BICC1: variants seen among roughly 807,000 people sequenced by gnomAD.
BICC1 encodes the protein protein bicaudal C homolog 1.
Under a neutral mutation model 111.0 loss-of-function variants are expected in BICC1, and 43 were observed. The observed-to-expected ratio is 0.39, with a 90% CI of 0.30 to 0.50. The LOEUF (loss-of-function observed/expected upper bound fraction) is 0.50. BICC1 is among the 20% of genes least tolerant of loss of function. The probability of loss-of-function intolerance (pLI) is 0.88; values close to 1 mark genes in which losing one functional copy is unlikely to be tolerated. For missense variants in BICC1, 1,091 were observed against 1,203.2 expected (o/e 0.91, Z 1.38); for synonymous variants, 467 against 434.4 (o/e 1.07, Z -0.93).
At chr10:58,706,152 G>C (rs1468341494) in intron 3 of BICC1, among the ~76,000 whole-genome samples, 1 of 151,988 alleles carries the variant, frequency 6.6e-6, no homozygotes, top group Non-Finnish European at 1.5e-5. Context: ...CAGTATTTAG[G>C]GATTAAGGTG....
chr10:58,691,225 A>G (rs1839898964), intron 2 of BICC1, among the ~76,000 whole-genome samples: 1 of 152,160 alleles, frequency 6.6e-6, no homozygotes, highest in African/African-American at 2.4e-5. Context: ...AGTGTGCTTT[A>G]CAGTAGATCT....
chr10:58,646,500 C>T (rs992074040), intron 2 of BICC1, among the ~76,000 whole-genome samples: 2 of 152,150 alleles, frequency 1.3e-5, no homozygotes, highest in Admixed American at 1.3e-4. Flanking sequence ...AGGCTGTCTG[C>T]ATTGTATTTG....
intron 1 of BICC1, among the ~76,000 whole-genome samples, chr10:58,596,040 C>T (rs1014367975): frequency 6.6e-6 from 1 of 152,124 alleles, no homozygotes; most frequent in Non-Finnish European, 1.5e-5. Context: ...CACCCCTGAT[C>T]CCACAGAAAT....
Position 58,636,192 on chromosome 10 carries a change from A to G in BICC1, c.237+15291A>G, listed in dbSNP as rs574835794. On this transcript the variant is annotated intron_variant, in intron 2 of 20. Coordinates refer to ENST00000373886, the MANE Select transcript of BICC1 (RefSeq NM_001080512.3). ...AGATTTCCTAGTTTAGCAAGTGTAC[A>G]AAGGAGGATAAGACCTAGCATTTTT... is the stretch of plus-strand genomic sequence containing the variant. 2.6e-5 allele frequency among the ~76,000 whole-genome samples: 4 copies of G among 152,326 alleles called. No individual in the cohort carries two copies. In the East Asian group the frequency reaches 7.7e-4, roughly 29 times the overall value.
intron 2 of BICC1, chr10:58,648,584 C>G: frequency 1.0e-6 from 1 of 973,908 alleles, no homozygotes; most frequent in Non-Finnish European, 1.2e-6. Flanking sequence ...ATGTTTAGTG[C>G]CTCTCTCTCT....
intron 2 of BICC1, among the ~76,000 whole-genome samples, chr10:58,637,911 C>T (rs983967340): frequency 2.0e-5 from 3 of 151,882 alleles, no homozygotes; most frequent in Non-Finnish European, 4.4e-5. Flanking sequence ...TAAACAGGAC[C>T]AGTAAGGTAC....
chr10:58,787,363 A>G (rs1307031123), intron 5 of BICC1, among the ~76,000 whole-genome samples: 1 of 152,180 alleles, frequency 6.6e-6, no homozygotes, highest in Non-Finnish European at 1.5e-5. Context: ...AGGCTGAGAG[A>G]GCATATCGTT....
At chr10:58,546,038 G>A (rs753717255) in intron 1 of BICC1, among the ~76,000 whole-genome samples, 4 of 152,038 alleles carry the variant, frequency 2.6e-5, no homozygotes, top group Admixed American at 1.3e-4. Context: ...TTCCTGAACC[G>A]GAATTAAGCA....
intron 3 of BICC1, among the ~76,000 whole-genome samples, chr10:58,705,476 T>A (rs1299306500): frequency 6.6e-6 from 1 of 152,220 alleles, no homozygotes; most frequent in African/African-American, 2.4e-5. Context: ...CTGTGCTAAA[T>A]GTTGGATAAA....
At chr10:58,765,246 G>A (rs1429600249) in intron 3 of BICC1, among the ~76,000 whole-genome samples, 2 of 151,912 alleles carry the variant, frequency 1.3e-5, no homozygotes, top group East Asian at 3.9e-4. Context: ...GGTAGAGATG[G>A]GGTTTCAACA....
chr10:58,758,442 A>G (rs570855887), intron 3 of BICC1, among the ~76,000 whole-genome samples: 26 of 152,350 alleles, frequency 1.7e-4, no homozygotes, highest in African/African-American at 6.3e-4. Flanking sequence ...AATCACTGCC[A>G]TGAGTATGAC....
At chr10:58,557,486 C>T (rs1843485093) in intron 1 of BICC1, among the ~76,000 whole-genome samples, 1 of 151,896 alleles carries the variant, frequency 6.6e-6, no homozygotes, top group Admixed American at 6.6e-5. Context: ...ACTCCAATTA[C>T]ACATATATTC....
chr10:58,770,700 G>T (rs1403622636), intron 3 of BICC1, among the ~76,000 whole-genome samples: 1 of 152,046 alleles, frequency 6.6e-6, no homozygotes, highest in African/African-American at 2.4e-5. Context: ...ATCCAGGGAG[G>T]GGAGGAATAC....
chr10:58,705,964 G>A (rs1322518595), intron 3 of BICC1, among the ~76,000 whole-genome samples: 3 of 152,206 alleles, frequency 2.0e-5, no homozygotes, highest in Admixed American at 6.5e-5. Context: ...ATGGGTGACT[G>A]TAGAATTGTC....
chr10:58,619,212 T>C (rs1845718255), intron 1 of BICC1, among the ~76,000 whole-genome samples: 1 of 152,216 alleles, frequency 6.6e-6, no homozygotes, highest in Non-Finnish European at 1.5e-5. Context: ...TAGGAGTCAT[T>C]ATTCAGCCCT....
At chr10:58,614,563 G>T (rs1158150143) in intron 1 of BICC1, among the ~76,000 whole-genome samples, 1 of 152,152 alleles carries the variant, frequency 6.6e-6, no homozygotes, top group African/African-American at 2.4e-5. Context: ...AAAGGTGCAG[G>T]TTTCTGGTTA....
intron 1 of BICC1, among the ~76,000 whole-genome samples, chr10:58,543,333 A>G (rs1344955965): frequency 6.6e-6 from 1 of 152,166 alleles, no homozygotes; most frequent in East Asian, 1.9e-4. Flanking sequence ...AACAGAAAGT[A>G]GAATGGGTAG....
intron 1 of BICC1, among the ~76,000 whole-genome samples, chr10:58,513,721 C>T (rs1842162948): frequency 6.6e-6 from 1 of 152,242 alleles, no homozygotes; most frequent in South Asian, 2.1e-4. Flanking sequence ...CCCTGGCAGC[C>T]TCGAGTTCTG....
At chr10:58,558,459 T>A (rs185015756) in intron 1 of BICC1, among the ~76,000 whole-genome samples, 14 of 152,228 alleles carry the variant, frequency 9.2e-5, no homozygotes, top group Non-Finnish European at 2.1e-4. Context: ...GCTGGTTCAA[T>A]TGTATGATTA....
Sources: gnomAD v4.1 joint callset for allele counts (sites outside exome capture counted in the v4.1 genomes callset) on GRCh38, gnomAD v4.1.1 for gene constraint, MANE v1.5 for transcripts, NCBI Gene and HGNC (gene_info 2026-07-23, HGNC 2026-07-21) for gene names.